CSMD3: variants seen among roughly 807,000 people sequenced by gnomAD.
CSMD3 encodes the protein CUB and Sushi multiple domains 3.
CSMD3 carries 177 observed loss-of-function variants against 435.2 expected under a neutral mutation model. The observed-to-expected ratio is 0.41, with a 90% CI of 0.36 to 0.46. The LOEUF (loss-of-function observed/expected upper bound fraction) is 0.46. CSMD3 is among the 20% of genes least tolerant of loss of function. The pLI is 0.34. For missense variants in CSMD3, 4,265 were observed against 4,504.6 expected, an observed-to-expected ratio of 0.95 and a Z score of 1.52; for synonymous variants, 1,656 against 1,520.5, an observed-to-expected ratio of 1.09 and a Z score of -2.07.
At chr8:113,391,622 T>C (rs1245585364) in intron 1 of CSMD3, among the ~76,000 whole-genome samples, 1 of 152,066 alleles carries the variant, frequency 6.6e-6, no homozygotes, top group African/African-American at 2.4e-5. Flanking sequence ...TACTGCGTAA[T>C]GGTCCTGGAA....
chr8:112,627,928 G>T lies in CSMD3; in HGVS notation c.3715+8889C>A, dbSNP rs76577831. Among the ~76,000 whole-genome samples, 1,064 of 152,224 alleles carry T rather than the reference G, an allele frequency of 7.0e-3. 17 individuals are homozygous for T. Among genetic ancestry groups the T allele is most frequent in the African/African-American group, 0.024 (1,004 of 41,540 alleles). On this transcript the variant is annotated intron_variant, in intron 22 of 70. Coordinates refer to ENST00000297405, the MANE Select transcript of CSMD3 (RefSeq NM_198123.2). ...GCCTCCACCTTCAAAGGACTTACAG[G>T]TATCAAGTAAAATCATCCTTATTCA...
At chr8:112,660,979 C>G (rs1337094401) in intron 17 of CSMD3, among the ~76,000 whole-genome samples, 1 of 152,010 alleles carries the variant, frequency 6.6e-6, no homozygotes, top group African/African-American at 2.4e-5. Context: ...TGGGGAGAAG[C>G]CAAAATCTTT....
intron 5 of CSMD3, among the ~76,000 whole-genome samples, chr8:113,025,586 C>A (rs2086846922): frequency 6.6e-6 from 1 of 152,112 alleles, no homozygotes; most frequent in South Asian, 2.1e-4. Context: ...GTGGAAATAC[C>A]TTGCAGTGGG....
At chr8:113,138,618 A>G (rs1200458327) in intron 4 of CSMD3, among the ~76,000 whole-genome samples, 1 of 151,400 alleles carries the variant, frequency 6.6e-6, no homozygotes, top group Non-Finnish European at 1.5e-5. Context: ...CATTGGATAA[A>G]AGACCTGAAA....
At chr8:112,670,888 G>C (rs900634291) in intron 16 of CSMD3, among the ~76,000 whole-genome samples, 8 of 152,020 alleles carry the variant, frequency 5.3e-5, no homozygotes, top group African/African-American at 1.9e-4. Context: ...TGAAGGTAAA[G>C]GTGAATATTT....
At chr8:113,038,869 C>G (rs1278802794) in intron 5 of CSMD3, among the ~76,000 whole-genome samples, 3 of 152,028 alleles carry the variant, frequency 2.0e-5, no homozygotes, top group Admixed American at 6.6e-5. Flanking sequence ...AATGCTTTTT[C>G]TTTGGGGATG....
chr8:112,383,291 C>T (rs968372458), intron 37 of CSMD3, among the ~76,000 whole-genome samples: 2 of 151,988 alleles, frequency 1.3e-5, no homozygotes, highest in African/African-American at 4.8e-5. Context: ...ACATACTATT[C>T]CTGAACCCTA....
intron 32 of CSMD3, among the ~76,000 whole-genome samples, chr8:112,462,098 C>T (rs1160892514): frequency 2.6e-5 from 4 of 152,142 alleles, no homozygotes; most frequent in Non-Finnish European, 4.4e-5. Context: ...CAATCCAGAC[C>T]TTTGGATCCC....
chr8:112,601,280 C>T (rs556612562), intron 22 of CSMD3, among the ~76,000 whole-genome samples: 15 of 152,090 alleles, frequency 9.9e-5, no homozygotes, highest in Non-Finnish European at 2.9e-5. Flanking sequence ...TCTTTAAATG[C>T]ACTTCCCGGT....
chr8:113,037,127 T>C (rs2087389190), intron 5 of CSMD3, among the ~76,000 whole-genome samples: 1 of 152,154 alleles, frequency 6.6e-6, no homozygotes, highest in Non-Finnish European at 1.5e-5. Flanking sequence ...GCTATTTTAT[T>C]GATAAGAAAA....
At chr8:112,592,505 A>G (rs575480528) in intron 22 of CSMD3, among the ~76,000 whole-genome samples, 8 of 151,936 alleles carry the variant, frequency 5.3e-5, no homozygotes, top group African/African-American at 7.2e-5. Flanking sequence ...CCCCTTAAAC[A>G]TTTGTTTTTA....
At chr8:112,545,239 T>C (rs1007580714) in intron 27 of CSMD3, among the ~76,000 whole-genome samples, 1 of 152,036 alleles carries the variant, frequency 6.6e-6, no homozygotes, top group Non-Finnish European at 1.5e-5. Flanking sequence ...ATCCCAGCAC[T>C]TGGGGGTGCT....
intron 22 of CSMD3, among the ~76,000 whole-genome samples, chr8:112,626,694 C>A (rs1164988987): frequency 1.3e-5 from 2 of 152,044 alleles, no homozygotes; most frequent in African/African-American, 4.8e-5. Context: ...ACATCAAGAT[C>A]TAATTCAGTT....
chr8:112,830,521 A>G (rs918688592), intron 11 of CSMD3, among the ~76,000 whole-genome samples: 10 of 152,146 alleles, frequency 6.6e-5, no homozygotes, highest in Non-Finnish European at 8.8e-5. Flanking sequence ...AATATTGAAA[A>G]AATGTAATTA....
rs148580561 is a variant in CSMD3 at position 112,954,377 on chromosome 8, G to C, written c.1420+307C>G. ...AATTTTAGAAATGTTACTCATTTTCGCCTCACCTTCTAGAACTAAACTTGA... is the reference window on the plus strand; with the variant it reads ...AATTTTAGAAATGTTACTCATTTTCCCCTCACCTTCTAGAACTAAACTTGA... On this transcript the variant is annotated intron_variant, in intron 8 of 70. Transcript: ENST00000297405. Among the ~76,000 whole-genome samples the C allele has an allele frequency of 2.8e-3, 429 of 151,378 alleles. 2 individuals carry two copies. The highest frequency in any genetic ancestry group is 9.7e-3 in the African/African-American group (400 of 41,434).
At chr8:112,652,935 GC>G (rs1400908844) in intron 18 of CSMD3, among the ~76,000 whole-genome samples, 4 of 152,060 alleles carry the variant, frequency 2.6e-5, no homozygotes, top group Admixed American at 6.6e-5. Context: ...TCCTGCCTCA[GC>G]CTCCCAAGTA....
intron 65 of CSMD3, 101 bp downstream of exon 65, chr8:112,244,293 T>A: frequency 2.1e-6 from 2 of 971,316 alleles, no homozygotes. Flanking sequence ...CCAACAAATT[T>A]CCCTTGTTCC....
At chr8:112,578,622 C>A (rs1314570539) in intron 23 of CSMD3, among the ~76,000 whole-genome samples, 2 of 152,000 alleles carry the variant, frequency 1.3e-5, no homozygotes, top group Non-Finnish European at 2.9e-5. Flanking sequence ...AAACAAAAAA[C>A]TGCTAAATGT....
chr8:113,378,015 A>G (rs1407570971), intron 1 of CSMD3, among the ~76,000 whole-genome samples: 2 of 152,210 alleles, frequency 1.3e-5, no homozygotes, highest in African/African-American at 4.8e-5. Flanking sequence ...ACACAAATAA[A>G]TAAGGCTGAT....
Sources: gnomAD v4.1 joint callset for allele counts (sites outside exome capture counted in the v4.1 genomes callset) on GRCh38, gnomAD v4.1.1 for gene constraint, MANE v1.5 for transcripts, NCBI Gene and HGNC (gene_info 2026-07-23, HGNC 2026-07-21) for gene names.